TYRO3: variants seen among roughly 807,000 people sequenced by gnomAD.
The protein encoded by TYRO3 is TYRO3 protein tyrosine kinase.
In TYRO3, 38 loss-of-function variants were observed where a neutral mutation model predicts 95.2. That is an observed-to-expected ratio of 0.40 (90% CI 0.31 to 0.52). The LOEUF (loss-of-function observed/expected upper bound fraction) is 0.52, where lower values mean the gene tolerates loss of function less well. TYRO3 is among the 20% of genes least tolerant of loss of function. The pLI is 0.56. For synonymous variants in TYRO3, 367 were observed against 432.9 expected, an observed-to-expected ratio of 0.85 and a Z score of 1.89; for missense variants, 812 against 1,116.4, an observed-to-expected ratio of 0.73 and a Z score of 3.89.
intron 6 of TYRO3, among the ~76,000 whole-genome samples, chr15:41,566,541 C>G (rs2055727326): frequency 6.6e-6 from 1 of 152,124 alleles, no homozygotes; most frequent in Admixed American, 6.5e-5. Context: ...TTTCCCTGTT[C>G]CATCTTCCCA....
Position 41,562,660 on chromosome 15 carries a change from G to A in TYRO3, c.522G>A (p.Trp174Ter). The A allele has an allele frequency of 6.2e-7, 1 of 1,614,184 alleles. No homozygotes were observed. Among genetic ancestry groups the A allele is most frequent in the South Asian group, 1.1e-5 (1 of 91,080 alleles). The stretch of plus-strand genomic sequence containing the variant: ...CTGAACCTGTTACCATTGTCTGGTG[G>A]AGAGGAACTACGAAGATCGGGGGAC... ...GPPEPVTIVW[W>*]RGTTKIGGPA... The change falls in exon 4 of 19, where the codon TGG becomes TGA. Residue 174 changes from tryptophan to a stop codon, truncating the protein, a stop_gained. Coordinates refer to ENST00000263798, the MANE Select transcript of TYRO3 (RefSeq NM_006293.4). LOFTEE classifies it high-confidence loss of function.
In TYRO3 at chr15:41,562,683, G is replaced by A; in HGVS notation, c.545G>A (p.Gly182Glu). ...TGGAGAGGAACTACGAAGATCGGGGGACCCGCTCCCTCTCCATCTGTTTTA... is the reference window on the plus strand; with the variant it reads ...TGGAGAGGAACTACGAAGATCGGGGAACCCGCTCCCTCTCCATCTGTTTTA... ...VWWRGTTKIG[G>E]PAPSPSVLNV... The change falls in exon 4 of 19, where the codon GGA (glycine) becomes GAA (glutamate). Residue 182 changes from glycine to glutamate, a missense_variant. By Grantham distance (98) the Gly-to-Glu change is moderately conservative (BLOSUM62 -2). Coordinates refer to ENST00000263798, the MANE Select transcript of TYRO3 (RefSeq NM_006293.4). 2.5e-6 allele frequency: 4 copies of A among 1,613,984 alleles called. No homozygotes were observed. The African/African-American group carries it at 4.0e-5, about 16-fold the overall frequency.
At chr15:41,559,587 C>G (rs1488732748) in intron 1 of TYRO3, among the ~76,000 whole-genome samples, 1 of 152,190 alleles carries the variant, frequency 6.6e-6, no homozygotes, top group Non-Finnish European at 1.5e-5. Flanking sequence ...TTCTGGCGCT[C>G]GGGGCTCTTC....
At position 41,578,107 on chromosome 15, in the gene TYRO3, G is replaced by A; in HGVS notation, c.2504G>A (p.Ser835Asn). 1 of 1,614,032 alleles carries A rather than the reference G, an allele frequency of 6.2e-7. No individual in the cohort carries two copies. Residue 835 changes from serine (S) to asparagine (N), a missense_variant, in exon 19 of 19, where the codon AGT becomes AAT. Ser to Asn is a conservative substitution (Grantham distance 46). Coordinates refer to ENST00000263798, the MANE Select transcript of TYRO3 (RefSeq NM_006293.4). The stretch of plus-strand genomic sequence containing the variant: ...CCCTACAGTGGGGCTGGGGATGGCA[G>A]TGGCATGGGGGCAGTGGGTGGCACT... ...DQPYSGAGDGSGMGAVGGTPS... is the reference protein window; with the variant it reads ...DQPYSGAGDGNGMGAVGGTPS...
At position 41,561,578 on chromosome 15, in the gene TYRO3, G is replaced by C; in HGVS notation, c.348G>C (p.Trp116Cys). ...SVERSDAGRY[W>C]CQVEDGGETE... is the part of the protein sequence containing the mutation. ...AGCGCTCTGACGCCGGCCGGTACTG[G>C]TGCCAGGTGGAGGATGGGGGTGAAA... The change falls in exon 3 of 19, where the codon TGG becomes TGC. Residue 116 changes from tryptophan to cysteine, a missense_variant. Coordinates refer to ENST00000263798, the MANE Select transcript of TYRO3 (RefSeq NM_006293.4). 1 of 1,595,328 alleles carries C rather than the reference G, an allele frequency of 6.3e-7. No homozygotes were observed. Among genetic ancestry groups the C allele is most frequent in the Non-Finnish European group, 8.5e-7 (1 of 1,172,464 alleles).
intron 14 of TYRO3, among the ~76,000 whole-genome samples, chr15:41,572,005 A>C (rs2055802367): frequency 6.6e-6 from 1 of 151,642 alleles, no homozygotes; most frequent in Non-Finnish European, 1.5e-5. Context: ...TTAAAAAAAA[A>C]AAACAAAACA....
At chr15:41,577,454 T>G (rs944478774) in intron 18 of TYRO3, 5 of 153,088 alleles carry the variant, frequency 3.3e-5, no homozygotes, top group African/African-American at 1.2e-4. Flanking sequence ...GCCTCCCAAG[T>G]AGCTGGGATT....
intron 4 of TYRO3, 47 bp from the exon 5 acceptor site, chr15:41,564,137 G>T: frequency 6.4e-7 from 1 of 1,552,118 alleles, no homozygotes; most frequent in Non-Finnish European, 8.9e-7. Context: ...GTCCCGCACT[G>T]AGTGGGGTTG....
chr15:41,563,372 G>T (rs1314710040), intron 4 of TYRO3, among the ~76,000 whole-genome samples: 5 of 152,160 alleles, frequency 3.3e-5, no homozygotes, highest in African/African-American at 1.2e-4. Context: ...TCTGGTTGAG[G>T]CTTGAATTGG....
intron 4 of TYRO3, 66 bp from the exon 5 acceptor site, chr15:41,564,118 C>A: frequency 2.8e-6 from 4 of 1,446,532 alleles, no homozygotes; most frequent in Non-Finnish European, 3.9e-6. Flanking sequence ...TGAGTATTCC[C>A]CTTTCCCAGT....
chr15:41,570,504 G>A, intron 11 of TYRO3, 100 bp from the exon 12 acceptor site: 2 of 1,358,410 alleles, frequency 1.5e-6, no homozygotes, highest in Non-Finnish European at 2.1e-6. Flanking sequence ...GGAGACCTAA[G>A]CTCATCTCTA....
Position 41,565,982 on chromosome 15 carries a change from G to A in TYRO3, c.783+841G>A, listed in dbSNP as rs1407217141. Among the ~76,000 whole-genome samples the A allele has an allele frequency of 5.9e-5, 9 of 152,114 alleles. No homozygotes were observed. The South Asian group carries it at 1.7e-3, about 28-fold the overall frequency. ...AAACTGTTCTGGGCAGTTCCCCTGG[G>A]CAGGAGGGGCCCCTGCTCTGGGCTC... On this transcript the variant is annotated intron_variant, in intron 6 of 18. Transcript: ENST00000263798.
chr15:41,582,997 G>GTTTTTTTTTTCTTT lies in TYRO3; in HGVS notation c.*4731_*4732insCTTTTTTTTTTTTT. Reference sequence around the variant, plus strand: ...CACTGCACCTGGCAAATTTTTAAGTGTTTTTTTTTTTTTTTAATACAGAGC... The same window carrying GTTTTTTTTTTCTTT: ...CACTGCACCTGGCAAATTTTTAAGTGTTTTTTTTTTCTTTTTTTTTTTTTTTTTTAATACAGAGC... On this transcript the variant is annotated 3_prime_UTR_variant, in exon 19 of 19. Transcript: ENST00000263798. 9.4e-6 allele frequency: 1 copy of GTTTTTTTTTTCTTT among 106,110 alleles called. No individual in the cohort carries two copies. The highest frequency in any genetic ancestry group is 3.6e-4 in the East Asian group (1 of 2,802). 6.6% of individuals were successfully genotyped at this position (106,110 alleles called of 1,614,324 possible). A position where few individuals can be genotyped will look rare whatever the true frequency, so the allele number is the denominator to read the frequency against.
At chr15:41,560,406 TGTGTGTGTGTGTGTGTGTGTGTGC>T (rs2140815215) in intron 1 of TYRO3, among the ~76,000 whole-genome samples, 1 of 140,320 alleles carries the variant, frequency 7.1e-6, no homozygotes, top group South Asian at 2.3e-4. Flanking sequence ...TGTGTGTGTG[TGTGTGTGTGTGTGTGTGTGTGTGC>T]GCGCGCGCGC....
intron 1 of TYRO3, among the ~76,000 whole-genome samples, chr15:41,560,393 A>ATGTGTGTGTGTGTGTGTGTGTGTG (rs369495054): frequency 5.6e-4 from 68 of 120,472 alleles, no homozygotes; most frequent in African/African-American, 1.4e-3. Context: ...AGGTGCGTGT[A>ATGTGTGTGTGTGTGTGTGTGTGTG]TGTGTGTGTG....
chr15:41,559,460 C>T, intron 1 of TYRO3, 79 bp downstream of exon 1: 1 of 208,112 alleles, frequency 4.8e-6, no homozygotes, highest in East Asian at 1.0e-4. Flanking sequence ...CGGGGCGGGC[C>T]TGGCGGGCTG....
In TYRO3 at chr15:41,568,863, T is replaced by G. The variant is rs1269591706; in HGVS notation, c.1108-15T>G. On this transcript the variant is annotated splice_polypyrimidine_tract_variant and intron_variant, in intron 8 of 18. Coordinates refer to ENST00000263798, the MANE Select transcript of TYRO3 (RefSeq NM_006293.4). ...CCCAGGCTCACTATGGGGTGGGGGCTTTTCCTGGCTGCAGGATGAGCTGAC... is the reference window on the plus strand; with the variant it reads ...CCCAGGCTCACTATGGGGTGGGGGCGTTTCCTGGCTGCAGGATGAGCTGAC... 6.4e-7 allele frequency: 1 copy of G among 1,570,184 alleles called. No individual in the cohort carries two copies. The highest frequency in any genetic ancestry group is 1.7e-5 in the Admixed American group (1 of 57,614).
chr15:41,567,640 C>T, intron 7 of TYRO3, 103 bp downstream of exon 7: 1 of 1,096,954 alleles, frequency 9.1e-7, no homozygotes. Flanking sequence ...GAGGTTCAGG[C>T]ATCATTCGGC....
chr15:41,573,072 G>A lies in TYRO3; in HGVS notation c.1946G>A (p.Arg649Gln), dbSNP rs147714132. 6.2e-6 allele frequency: 10 copies of A among 1,614,098 alleles called. No individual in the cohort carries two copies. Among genetic ancestry groups the A allele is most frequent in the Middle Eastern group, 1.6e-4 (1 of 6,062 alleles). Residue 649 changes from arginine to glutamine, a missense_variant, in exon 16 of 19, where the codon CGG becomes CAG. Coordinates refer to ENST00000263798, the MANE Select transcript of TYRO3 (RefSeq NM_006293.4). ...TGCGGCATGGAGTACCTGAGCTCTCGGAACTTCATCCACCGAGACCTGGCT... is the reference window on the plus strand; with the variant it reads ...TGCGGCATGGAGTACCTGAGCTCTCAGAACTTCATCCACCGAGACCTGGCT... ...IACGMEYLSS[R>Q]NFIHRDLAAR...
Sources: allele counts gnomAD v4.1 joint callset (sites outside exome capture counted in the v4.1 genomes callset), GRCh38; gene constraint gnomAD v4.1.1; transcripts MANE v1.5; gene names NCBI Gene and HGNC (gene_info 2026-07-23, HGNC 2026-07-21).